CUL7: variants seen among roughly 807,000 people sequenced by gnomAD.
CUL7 encodes the protein cullin-7.
Under a neutral mutation model 177.7 loss-of-function variants are expected in CUL7, and 96 were observed. That is an observed-to-expected ratio of 0.54 (90% CI 0.46 to 0.64). The LOEUF is 0.64. CUL7 is among the 30% of genes least tolerant of loss of function. The probability of loss-of-function intolerance (pLI) is 0.00; values close to 1 mark genes in which losing one functional copy is unlikely to be tolerated. For synonymous variants in CUL7, 824 were observed against 890.2 expected (o/e 0.93, Z 1.32); for missense variants, 1,893 against 2,187.9 (o/e 0.87, Z 2.69).
At position 43,040,305 on chromosome 6, in the gene CUL7, T is replaced by G; in HGVS notation, c.4145A>C (p.Tyr1382Ser). The change falls in exon 22 of 26, where the codon TAT becomes TCT. Residue 1382 changes from tyrosine to serine, a missense_variant. By Grantham distance (144) the Tyr-to-Ser change is moderately radical. This residue lies in a region of CUL7 where 973 missense variants were observed against 1,140.9 expected (regional missense o/e 0.85). Coordinates refer to ENST00000265348, the MANE Select transcript of CUL7 (RefSeq NM_014780.5). The surrounding 1 kb of genome is among the most constrained non-coding windows in gnomAD (Gnocchi z 4.2). ...AGACACTTCTGGCATTGCCCCTTCA[T>G]AGTAGAGGTCCTCATTCTCCTCCTC... Reference protein sequence around the residue: ...EEEEENEDLYYEGAMPEVSVL... With the variant: ...EEEEENEDLYSEGAMPEVSVL... 1.9e-6 allele frequency: 3 copies of G among 1,614,060 alleles called. No individual in the cohort carries two copies. Among genetic ancestry groups the G allele is most frequent in the Non-Finnish European group, 2.5e-6 (3 of 1,180,016 alleles).
chr6:43,045,494 C>G lies in CUL7; in HGVS notation c.2863-92G>C. 1 of 1,612,974 alleles carries G rather than the reference C, an allele frequency of 6.2e-7. No individual in the cohort carries two copies. The highest frequency in any genetic ancestry group is 2.2e-5 in the East Asian group (1 of 44,876). ...CTCGAACCTCACCCCTGGAGCTGCT[C>G]GAGACCCAGGCTGGTCCTCTGGCTT... On this transcript the variant is annotated intron_variant, in intron 14 of 25. Transcript: ENST00000265348. The surrounding 1 kb of genome is among the most constrained non-coding windows in gnomAD (Gnocchi z 4.8).
At position 43,050,426 on chromosome 6, in the gene CUL7, G is replaced by A; in HGVS notation, c.1234-28C>T. 1.2e-6 allele frequency: 2 copies of A among 1,613,630 alleles called. No individual in the cohort carries two copies. Among genetic ancestry groups the A allele is most frequent in the Non-Finnish European group, 1.7e-6 (2 of 1,179,952 alleles). ...GGAGCATAGGGAAAGAAAGAGGGAA[G>A]GGGAAGGGAGGACTCACAAATGACT... is the stretch of plus-strand genomic sequence containing the variant. On this transcript the variant is annotated intron_variant, in intron 4 of 25. Transcript: ENST00000265348. The surrounding 1 kb of genome is among the most constrained non-coding windows in gnomAD (Gnocchi z 4.1).
At position 43,038,656 on chromosome 6, in the gene CUL7, G is replaced by A. The variant is rs750296190; in HGVS notation, c.4477C>T (p.Leu1493Phe). 2 of 1,614,042 alleles carry A rather than the reference G, an allele frequency of 1.2e-6. No individual in the cohort carries two copies. The highest frequency in any genetic ancestry group is 1.3e-5 in the African/African-American group (1 of 75,042). Reference sequence around the variant, plus strand: ...GCCTGATTGAGCATGTCTGCGGAGAGCCCTGAGAACGCCAGCAGACTCTCC... The same window carrying A: ...GCCTGATTGAGCATGTCTGCGGAGAACCCTGAGAACGCCAGCAGACTCTCC... Reference protein sequence around the residue: ...SVESLLAFSGLSADMLNQAIG... With the variant: ...SVESLLAFSGFSADMLNQAIG... The change falls in exon 24 of 26, where the codon CTC becomes TTC. Residue 1493 changes from leucine to phenylalanine, a missense_variant. Coordinates refer to ENST00000265348, the MANE Select transcript of CUL7 (RefSeq NM_014780.5).
In CUL7 at chr6:43,038,370, C is replaced by A; in HGVS notation, c.4670G>T (p.Gly1557Val). 1 of 1,614,194 alleles carries A rather than the reference C, an allele frequency of 6.2e-7. No homozygotes were observed. Among genetic ancestry groups the A allele is most frequent in the Non-Finnish European group, 8.5e-7 (1 of 1,180,026 alleles). ...ATTCCGTCTCTTCTCCAAGTTCTGG[C>A]CGTCTTCACCCTCAGCTTGCAGGTA... ...QTYLQAEGED[G>V]QNLEKRRNLL... The change falls in exon 25 of 26, where the codon GGC (glycine) becomes GTC (valine). Residue 1557 changes from glycine to valine, a missense_variant. By Grantham distance (109) the Gly-to-Val change is moderately radical. Coordinates refer to ENST00000265348, the MANE Select transcript of CUL7 (RefSeq NM_014780.5).
At chr6:43,041,332 G>C (rs1158359865) in intron 19 of CUL7, among the ~76,000 whole-genome samples, 1 of 152,212 alleles carries the variant, frequency 6.6e-6, no homozygotes, top group East Asian at 1.9e-4. Context: ...AATAAGACCA[G>C]GCGCAGTTCA....
At chr6:43,047,900 C>G (rs1016808465) in intron 9 of CUL7, 4 of 559,186 alleles carry the variant, frequency 7.2e-6, no homozygotes, top group East Asian at 2.9e-5. Flanking sequence ...GTGGGGGACC[C>G]TGGGGGAACA....
chr6:43,037,901 G>A lies in CUL7; in HGVS notation c.4884C>T (p.Leu1628=). The change falls in exon 26 of 26, where the codon CTC becomes CTT. Residue 1628 remains leucine (L), a synonymous_variant. Coordinates refer to ENST00000265348, the MANE Select transcript of CUL7 (RefSeq NM_014780.5). ...STDVLSCILH[L]LGKGTLRRHD... is the part of the protein sequence containing the mutation. ...GGCGTCTCAGCGTGCCCTTGCCCAGGAGGTGTAGGATGCAGGAGAGGACGT... is the reference window on the plus strand; with the variant it reads ...GGCGTCTCAGCGTGCCCTTGCCCAGAAGGTGTAGGATGCAGGAGAGGACGT... The A allele has an allele frequency of 6.2e-7, 1 of 1,613,228 alleles. No homozygotes were observed. Among genetic ancestry groups the A allele is most frequent in the Non-Finnish European group, 8.5e-7 (1 of 1,179,342 alleles).
intron 9 of CUL7, 23 bp downstream of exon 9, chr6:43,048,125 T>A: frequency 6.6e-7 from 1 of 1,517,548 alleles, no homozygotes; most frequent in Non-Finnish European, 9.1e-7. Flanking sequence ...CCCCAGCCTC[T>A]CCCCAGAGCA....
chr6:43,047,844 G>A (rs1022888806), intron 9 of CUL7: 4 of 406,666 alleles, frequency 9.8e-6, no homozygotes, highest in Non-Finnish European at 1.8e-5. Flanking sequence ...AAGGGAACAC[G>A]GGAAAGATAC....
rs754005929 is a variant in CUL7 at position 43,048,407 on chromosome 6, G to A, written c.1988C>T (p.Pro663Leu). Residue 663 changes from proline (P) to leucine (L), a missense_variant, in exon 8 of 26, where the codon CCG (proline) becomes CTG (leucine). Coordinates refer to ENST00000265348, the MANE Select transcript of CUL7 (RefSeq NM_014780.5). Reference protein sequence around the residue: ...KPLLLQLQRQPQPFLALMQSL... With the variant: ...KPLLLQLQRQLQPFLALMQSL... ...CTGCATCAGTGCCAGGAAGGGCTGC[G>A]GCTGCCGCTGCAGCTGCAGCAGGAG... is the stretch of plus-strand genomic sequence containing the variant. 2.2e-5 allele frequency: 35 copies of A among 1,612,994 alleles called. No individual in the cohort carries two copies. The highest frequency in any genetic ancestry group is 6.6e-5 in the South Asian group (6 of 91,056).
rs1401245278 is a variant in CUL7, at chr6:43,040,529, C to T, written c.4023+1G>A. ...TTGCTTATCCCTTCCAAGGCACTCA[C>T]CTGTATTTTCTTCTCTGTATCCTCC... On this transcript the variant is annotated splice_donor_variant, in intron 21 of 25. Coordinates refer to ENST00000265348, the MANE Select transcript of CUL7 (RefSeq NM_014780.5). LOFTEE classifies it high-confidence loss of function. This position sits in a 1 kb window ranked among gnomAD's most constrained non-coding sequence, Gnocchi z 4.2. 2 of 1,614,084 alleles carry T rather than the reference C, an allele frequency of 1.2e-6. No individual in the cohort carries two copies. The highest frequency in any genetic ancestry group is 1.1e-5 in the South Asian group (1 of 91,088).
intron 19 of CUL7, among the ~76,000 whole-genome samples, chr6:43,042,524 A>G (rs1440955528): frequency 6.6e-6 from 1 of 152,110 alleles, no homozygotes; most frequent in Non-Finnish European, 1.5e-5. Flanking sequence ...TATTTTTAGT[A>G]GAGATGGGGT....
Position 43,045,650 on chromosome 6 carries a change from G to A in CUL7, c.2799C>T (p.Ile933=), listed in dbSNP as rs1419297181. The stretch of plus-strand genomic sequence containing the variant: ...AGAAGCGGGTCAGGTTCTCCAGGAG[G>A]ATCACCCGGCTGGCAGAGGGCATCA... ...VNVMPSASRV[I]LLENLTRFWP... is the part of the protein sequence containing the mutation. The change falls in exon 14 of 26, where the codon ATC becomes ATT. Residue 933 remains isoleucine, a synonymous_variant. Transcript: ENST00000265348. This position sits in a 1 kb window ranked among gnomAD's most constrained non-coding sequence, Gnocchi z 4.8. 1.9e-6 allele frequency: 3 copies of A among 1,614,218 alleles called. No homozygotes were observed. The highest frequency in any genetic ancestry group is 2.2e-5 in the South Asian group (2 of 91,086).
At chr6:43,039,162 C>T (rs1763200780) in intron 22 of CUL7, among the ~76,000 whole-genome samples, 175 bp from the exon 23 acceptor site, 1 of 152,202 alleles carries the variant, frequency 6.6e-6, no homozygotes. Flanking sequence ...TCTGGGCCTG[C>T]CTCTATGGCA....
chr6:43,038,300 A>T lies in CUL7; in HGVS notation c.4740T>A (p.Asp1580Glu). 2 of 1,614,040 alleles carry T rather than the reference A, an allele frequency of 1.2e-6. No individual in the cohort carries two copies. Among genetic ancestry groups the T allele is most frequent in the Non-Finnish European group, 1.7e-6 (2 of 1,179,998 alleles). Residue 1580 changes from aspartate to glutamate, a missense_variant, in exon 25 of 26, where the codon GAT (aspartate) becomes GAA (glutamate). By Grantham distance (45) the Asp-to-Glu change is conservative. This residue lies in a region of CUL7 where 248 missense variants were observed against 262.5 expected (regional missense o/e 0.94). Coordinates refer to ENST00000265348, the MANE Select transcript of CUL7 (RefSeq NM_014780.5). ...CAAGCTGGTCAATGTGCAGCCCCTC[A>T]TCTCCATGGGCCTTGAGGATTCGGA... The part of the protein sequence containing the change: ...LIVRILKAHG[D>E]EGLHIDQLVC...
chr6:43,051,782 T>G lies in CUL7; in HGVS notation c.581-19A>C. ...CGGGTCCCTGTAACCCACACCCCAG[T>G]TGGTAACTTCTCCCTAATCTCACCC... On this transcript the variant is annotated intron_variant, in intron 2 of 25. Coordinates refer to ENST00000265348, the MANE Select transcript of CUL7 (RefSeq NM_014780.5). This position sits in a 1 kb window ranked among gnomAD's most constrained non-coding sequence, Gnocchi z 5.0. 2 of 1,614,028 alleles carry G rather than the reference T, an allele frequency of 1.2e-6. No individual in the cohort carries two copies. The highest frequency in any genetic ancestry group is 1.7e-6 in the Non-Finnish European group (2 of 1,179,952).
intron 7 of CUL7, 148 bp from the exon 8 acceptor site, chr6:43,048,717 C>G (rs1417251946): frequency 1.6e-6 from 1 of 611,662 alleles, no homozygotes; most frequent in Non-Finnish European, 2.9e-6. Context: ...GTTTGGGGAT[C>G]TAATCTCTGA....
In CUL7 at chr6:43,052,032, C is replaced by G. The variant is rs1764454264; in HGVS notation, c.580+177G>C. 3.3e-6 allele frequency: 4 copies of G among 1,194,690 alleles called. No individual in the cohort carries two copies. The South Asian group carries it at 6.1e-5, about 18-fold the overall frequency. The allele number at this position is 1,194,690 out of a possible 1,614,324, so 74.0% of individuals were successfully genotyped here. On this transcript the variant is annotated intron_variant, in intron 2 of 25. Transcript: ENST00000265348. The surrounding 1 kb of genome is among the most constrained non-coding windows in gnomAD (Gnocchi z 4.5). ...TTGAAGATAGTCTTTCCTCTTTTGG[C>G]AGATAACCCCCACCCTCACTCCCAT...
chr6:43,048,597 T>G, intron 7 of CUL7, 28 bp from the exon 8 acceptor site: 1 of 1,514,158 alleles, frequency 6.6e-7, no homozygotes, highest in Non-Finnish European at 9.2e-7. Context: ...TCACAGGAGT[T>G]GGCCATTGTT....
Sources: allele counts gnomAD v4.1 joint callset (sites outside exome capture counted in the v4.1 genomes callset), GRCh38; gene constraint gnomAD v4.1.1; regional missense constraint gnomAD v4.1.1; non-coding constraint Gnocchi (gnomAD v3.1); transcripts MANE v1.5; gene names NCBI Gene and HGNC (gene_info 2026-07-23, HGNC 2026-07-21).